The following DOK7 variants were observed in gnomAD, a reference collection of about 807,000 sequenced individuals.
DOK7 encodes protein Dok-7.
DOK7 carries 32 observed loss-of-function variants against 30.7 expected under a neutral mutation model. The ratio of observed to expected loss-of-function variants is 1.04; its 90% CI spans 0.79 to 1.40. The LOEUF (loss-of-function observed/expected upper bound fraction) is 1.40, where lower values mean the gene tolerates loss of function less well. Among genes scored for constraint, DOK7 ranks in the 40% most tolerant of loss-of-function variants. The pLI, the probability that DOK7 is intolerant of heterozygous loss-of-function variation, is 0.00. For missense variants in DOK7, 1,007 were observed against 699.2 expected, an observed-to-expected ratio of 1.44 and a Z score of -4.97; for synonymous variants, 447 against 324.1, an observed-to-expected ratio of 1.38 and a Z score of -4.07.
chr4:3,468,443 AGT>A (rs1726464564), intron 2 of DOK7, among the ~76,000 whole-genome samples: 1 of 121,690 alleles, frequency 8.2e-6, no homozygotes, highest in South Asian at 2.5e-4. Flanking sequence ...TACATGTACG[AGT>A]GTGTGCCTGT....
chr4:3,477,687 G>T (rs73793920), intron 4 of DOK7, among the ~76,000 whole-genome samples: 2 of 152,194 alleles, frequency 1.3e-5, no homozygotes, highest in South Asian at 4.1e-4. Context: ...CAGGAGGCAC[G>T]TGCGGCAGAG....
At position 3,489,689 on chromosome 4, in the gene DOK7, C is replaced by T. The variant is rs141141719; in HGVS notation, c.665C>T (p.Pro222Leu). 606 of 1,565,108 alleles carry T rather than the reference C, an allele frequency of 3.9e-4. No individual in the cohort carries two copies. Among genetic ancestry groups the T allele is most frequent in the Middle Eastern group, 5.0e-4 (3 of 5,982 alleles). Residue 222 changes from proline (P) to leucine (L), a missense_variant, in exon 6 of 7, where the codon CCG (proline) becomes CTG (leucine). Physicochemically the swap from Pro to Leu is moderately conservative, Grantham distance 98 (BLOSUM62 -3). Coordinates refer to ENST00000340083, the MANE Select transcript of DOK7 (RefSeq NM_173660.5). ...CTCTCTGCCACAGACCCAAGTCCCCCGGGACCCTCGACTGTGGAGGAGCGT... is the reference window on the plus strand; with the variant it reads ...CTCTCTGCCACAGACCCAAGTCCCCTGGGACCCTCGACTGTGGAGGAGCGT... ...LRPVLPDPSP[P>L]GPSTVEERVA...
intron 2 of DOK7, among the ~76,000 whole-genome samples, chr4:3,465,452 C>T (rs918815005): frequency 2.0e-5 from 3 of 152,190 alleles, no homozygotes; most frequent in South Asian, 2.1e-4. Context: ...ACAGACCCTG[C>T]GCTCCTGGTG....
At chr4:3,488,503 G>C (rs1037521949) in intron 5 of DOK7, among the ~76,000 whole-genome samples, 1 of 152,222 alleles carries the variant, frequency 6.6e-6, no homozygotes, top group Non-Finnish European at 1.5e-5. Flanking sequence ...CCATGGGGTC[G>C]GGACGTCTGG....
At chr4:3,469,269 C>A (rs1004943045) in intron 2 of DOK7, among the ~76,000 whole-genome samples, 38 of 152,108 alleles carry the variant, frequency 2.5e-4, no homozygotes, top group African/African-American at 8.2e-4. Flanking sequence ...GCCTTGGCCT[C>A]TCCTGGTGCC....
rs577170660 is a variant in DOK7, at chr4:3,468,738, CTGTG to C, written c.101-4666_101-4663del. Among the ~76,000 whole-genome samples the C allele has an allele frequency of 7.7e-4, 77 of 99,452 alleles. No homozygotes were observed. In the South Asian group the frequency reaches 0.027, roughly 35 times the overall value. 65.2% of individuals were successfully genotyped at this position (99,452 alleles called of 152,430 possible). A position where few individuals can be genotyped will look rare whatever the true frequency, so the allele number is the denominator to read the frequency against. ...TATGTGTGCGTGCCTGTATGTCTGC[CTGTG>C]TATGTGTCTGTGTGCGTGTGTGTGT... On this transcript the variant is annotated intron_variant, in intron 2 of 6. Transcript: ENST00000340083.
chr4:3,476,528 C>T lies in DOK7; in HGVS notation c.518C>T (p.Thr173Ile). The T allele has an allele frequency of 6.2e-7, 1 of 1,613,902 alleles. No homozygotes were observed. Among genetic ancestry groups the T allele is most frequent in the Non-Finnish European group, 8.5e-7 (1 of 1,180,026 alleles). ...VPSGFIFEGGTRCGYWAGVFF... is the reference protein window; with the variant it reads ...VPSGFIFEGGIRCGYWAGVFF... ...AGCGGATTCATCTTTGAAGGCGGGA[C>T]CAGGTGTGGGTACTGTAAGTACGGA... The change falls in exon 4 of 7, where the codon ACC becomes ATC. Residue 173 changes from threonine to isoleucine, a missense_variant. Transcript: ENST00000340083.
chr4:3,494,075 G>A lies in DOK7; in HGVS notation c.*574G>A. 1.0e-6 allele frequency: 1 copy of A among 986,886 alleles called. No individual in the cohort carries two copies. Among genetic ancestry groups the A allele is most frequent in the Non-Finnish European group, 1.2e-6 (1 of 831,038 alleles). The allele number at this position is 986,886 out of a possible 1,614,324, so 61.1% of individuals were successfully genotyped here. A position where few individuals can be genotyped will look rare whatever the true frequency, so the allele number is the denominator to read the frequency against. On this transcript the variant is annotated 3_prime_UTR_variant, in exon 7 of 7. Coordinates refer to ENST00000340083, the MANE Select transcript of DOK7 (RefSeq NM_173660.5). ...CTCAGGAGGCTGTGTGGCTTGCGGGGTCTCTGGGTTCTGGGCCCCACTGTT... is the reference window on the plus strand; with the variant it reads ...CTCAGGAGGCTGTGTGGCTTGCGGGATCTCTGGGTTCTGGGCCCCACTGTT...
chr4:3,468,875 GTA>G (rs1280275746), intron 2 of DOK7, among the ~76,000 whole-genome samples: 1 of 150,762 alleles, frequency 6.6e-6, no homozygotes, highest in Non-Finnish European at 1.5e-5. Context: ...GCATGCCTGT[GTA>G]CGAGTGTGCC....
At chr4:3,487,292 GCA>G (rs1727872931) in intron 5 of DOK7, among the ~76,000 whole-genome samples, 1 of 152,222 alleles carries the variant, frequency 6.6e-6, no homozygotes, top group South Asian at 2.1e-4. Context: ...CCCAGCCCCC[GCA>G]GGCTGGACTT....
Position 3,493,129 on chromosome 4 carries a change from CG to C in DOK7, c.1144del (p.Glu382SerfsTer74), listed in dbSNP as rs1560233187. On this transcript the variant is annotated frameshift_variant, in exon 7 of 7. Coordinates refer to ENST00000340083, the MANE Select transcript of DOK7 (RefSeq NM_173660.5). LOFTEE classifies it low-confidence loss of function (END_TRUNC). ...TCAGCCTGCCAGCAGCGGGGGCCCCCGAGCCCAGCCTGTGCACCTGCCTGCC... is the reference window on the plus strand; with the variant it reads ...TCAGCCTGCCAGCAGCGGGGGCCCCCAGCCCAGCCTGTGCACCTGCCTGCC... ...LLSLPAAGAP[E>X]PSLCTCLPGT... The C allele has an allele frequency of 6.3e-7, 1 of 1,594,468 alleles. No homozygotes were observed.
chr4:3,491,516 T>C (rs74549623), intron 6 of DOK7, among the ~76,000 whole-genome samples: 918 of 61,538 alleles, frequency 0.015, 16 homozygotes, highest in African/African-American at 0.041. Context: ...TCCTTCCTTC[T>C]GTCTGTTCAT....
Position 3,492,831 on chromosome 4 carries a change from C to G in DOK7, c.845C>G (p.Thr282Ser). The stretch of plus-strand genomic sequence containing the variant: ...GACGTCAGCGCCAGCAGCCGGCTCA[C>G]CGCATGGCCAGAGCAATCCTCGTCG... Reference protein sequence around the residue: ...HLDVSASSRLTAWPEQSSSSA... With the variant: ...HLDVSASSRLSAWPEQSSSSA... Residue 282 changes from threonine to serine, a missense_variant, in exon 7 of 7, where the codon ACC (threonine) becomes AGC (serine). Coordinates refer to ENST00000340083, the MANE Select transcript of DOK7 (RefSeq NM_173660.5). The G allele has an allele frequency of 1.9e-6, 3 of 1,612,556 alleles. No homozygotes were observed. Among genetic ancestry groups the G allele is most frequent in the Non-Finnish European group, 2.5e-6 (3 of 1,179,936 alleles).
At position 3,491,292 on chromosome 4, in the gene DOK7, C is replaced by A. The variant is rs570110804; in HGVS notation, c.773-1467C>A. Among the ~76,000 whole-genome samples, 8 of 133,634 alleles carry A rather than the reference C, an allele frequency of 6.0e-5. No individual in the cohort carries two copies. The South Asian group carries it at 1.9e-3, about 31-fold the overall frequency. 87.7% of individuals were successfully genotyped at this position (133,634 alleles called of 152,430 possible). A position where few individuals can be genotyped will look rare whatever the true frequency, so the allele number is the denominator to read the frequency against. ...CTTCATTCATTCCTTCCTCCGCCCC[C>A]CCGCTCATTCATTCCTGCCTTCTCC... On this transcript the variant is annotated intron_variant, in intron 6 of 6. Transcript: ENST00000340083.
rs375116985 is a variant in DOK7 at position 3,493,340 on chromosome 4, C to T, written c.1354C>T (p.Arg452Trp). Residue 452 changes from arginine to tryptophan, a missense_variant, in exon 7 of 7, where the codon CGG (arginine) becomes TGG (tryptophan). By Grantham distance (101) the Arg-to-Trp change is moderately radical. Coordinates refer to ENST00000340083, the MANE Select transcript of DOK7 (RefSeq NM_173660.5). ...CTCTGGCTGGCTGGGCACGAGACGG[C>T]GGGGCCTGGTGATGGAGGCCCCCCA... ...CPSGWLGTRRRGLVMEAPQGS... is the reference protein window; with the variant it reads ...CPSGWLGTRRWGLVMEAPQGS... The T allele has an allele frequency of 8.4e-5, 134 of 1,598,804 alleles. No homozygotes were observed. Among genetic ancestry groups the T allele is most frequent in the Middle Eastern group, 1.7e-4 (1 of 6,042 alleles).
Position 3,476,437 on chromosome 4 carries a change from G to T in DOK7, c.427G>T (p.Asp143Tyr). Residue 143 changes from aspartate (D) to tyrosine (Y), a missense_variant, in exon 4 of 7, where the codon GAC (aspartate) becomes TAC (tyrosine). Asp to Tyr is a radical substitution (Grantham distance 160). Coordinates refer to ENST00000340083, the MANE Select transcript of DOK7 (RefSeq NM_173660.5). The part of the protein sequence containing the change: ...LCNDVLVLAR[D>Y]IPPAVTGQWK... ...CAATGATGTCCTCGTCTTGGCCAGG[G>T]ACATCCCCCCGGCTGTCACGGGGCA... 1 of 1,613,688 alleles carries T rather than the reference G, an allele frequency of 6.2e-7. No homozygotes were observed. Among genetic ancestry groups the T allele is most frequent in the Non-Finnish European group, 8.5e-7 (1 of 1,180,020 alleles).
intron 4 of DOK7, among the ~76,000 whole-genome samples, chr4:3,477,292 C>T (rs1256087310): frequency 1.3e-5 from 2 of 152,270 alleles, no homozygotes; most frequent in Non-Finnish European, 1.5e-5. Flanking sequence ...GGCAGCTGCT[C>T]ATTGGCCGGG....
chr4:3,500,370 C>T, exon 7 of DOK7: 1 of 1,535,954 alleles, frequency 6.5e-7, no homozygotes, highest in African/African-American at 1.4e-5. Flanking sequence ...CTACATGGGC[C>T]TGGAGCTCCA....
chr4:3,499,985 G>A (rs1235658923), intron 6 of DOK7, among the ~76,000 whole-genome samples: 1 of 151,838 alleles, frequency 6.6e-6, no homozygotes, highest in Non-Finnish European at 1.5e-5. Context: ...TTCCTGCAGG[G>A]GAGGCGGCAC....
Sources: allele counts gnomAD v4.1 joint callset (sites outside exome capture counted in the v4.1 genomes callset), GRCh38; gene constraint gnomAD v4.1.1; transcripts MANE v1.5; gene names NCBI Gene and HGNC (gene_info 2026-07-23, HGNC 2026-07-21).